Variants in DPP6 observed in about 807,000 individuals in gnomAD.
The protein encoded by DPP6 is A-type potassium channel modulatory protein DPP6.
DPP6 carries 69 observed loss-of-function variants against 122.6 expected under a neutral mutation model. The ratio of observed to expected loss-of-function variants is 0.56; its 90% CI spans 0.46 to 0.69. DPP6 has a LOEUF of 0.69. DPP6 is among the 30% of genes least tolerant of loss of function. The probability of loss-of-function intolerance (pLI) is 0.00; values close to 1 mark genes in which losing one functional copy is unlikely to be tolerated. For synonymous variants in DPP6, 418 were observed against 433.1 expected (o/e 0.97, Z 0.43); for missense variants, 928 against 1,116.9 (o/e 0.83, Z 2.41).
At chr7:154,720,081 G>A (rs1391729641) in intron 7 of DPP6, among the ~76,000 whole-genome samples, 2 of 152,236 alleles carry the variant, frequency 1.3e-5, no homozygotes, top group Admixed American at 1.3e-4. Flanking sequence ...CTGTGACGGA[G>A]AGAGATTGTT....
chr7:154,000,731 C>T (rs1797650731), intron 1 of DPP6, among the ~76,000 whole-genome samples: 1 of 151,986 alleles, frequency 6.6e-6, no homozygotes, highest in Admixed American at 6.5e-5. Flanking sequence ...TTATGGGTGC[C>T]AGCTGCTCTT....
chr7:153,754,916 C>A, the DPP6 span, among the ~76,000 whole-genome samples: 1 of 151,300 alleles, frequency 6.6e-6, no homozygotes, highest in African/African-American at 2.4e-5. Context: ...TTTTAATTCA[C>A]CGTGAGTATC....
chr7:154,735,787 T>C (rs992966264), intron 8 of DPP6, among the ~76,000 whole-genome samples: 1 of 152,258 alleles, frequency 6.6e-6, no homozygotes, highest in African/African-American at 2.4e-5. Flanking sequence ...TCTAGATTTC[T>C]GCAAGGATCA....
At chr7:154,249,887 C>A (rs984170064) in intron 1 of DPP6, among the ~76,000 whole-genome samples, 3 of 152,070 alleles carry the variant, frequency 2.0e-5, no homozygotes, top group Non-Finnish European at 2.9e-5. Context: ...CCAATTTCTG[C>A]CTCCAAAGAA....
In DPP6 at chr7:154,719,282, G is replaced by A. The variant is rs142065608; in HGVS notation, c.763-8485G>A. ...CTCCAGAGCAATGATGTTCTGCTGGGATCTGGGGGCTCCAAAGTGGGCTGT... is the reference window on the plus strand; with the variant it reads ...CTCCAGAGCAATGATGTTCTGCTGGAATCTGGGGGCTCCAAAGTGGGCTGT... On this transcript the variant is annotated intron_variant, in intron 7 of 25. Coordinates refer to ENST00000377770, the MANE Select transcript of DPP6 (RefSeq NM_130797.4). 3.9e-5 allele frequency among the ~76,000 whole-genome samples: 6 copies of A among 152,240 alleles called. No homozygotes were observed. The East Asian group carries it at 1.2e-3, about 30-fold the overall frequency.
At chr7:154,208,094 TAAAAG>T (rs1351017622) in intron 1 of DPP6, among the ~76,000 whole-genome samples, 1 of 152,184 alleles carries the variant, frequency 6.6e-6, no homozygotes, top group Non-Finnish European at 1.5e-5. Context: ...TGTTATTTAA[TAAAAG>T]AAAGAAAAAT....
At chr7:154,804,202 G>A (rs1004577573) in intron 14 of DPP6, among the ~76,000 whole-genome samples, 4 of 152,222 alleles carry the variant, frequency 2.6e-5, no homozygotes, top group East Asian at 1.9e-4. Context: ...AGGGAAGCAC[G>A]CTAGCGGCAG....
chr7:154,383,405 G>T (rs889035991), intron 1 of DPP6, among the ~76,000 whole-genome samples: 1 of 152,194 alleles, frequency 6.6e-6, no homozygotes, highest in Non-Finnish European at 1.5e-5. Flanking sequence ...ACTTGCATTT[G>T]AGTTCGCATC....
At chr7:154,306,348 G>A (rs1286957948) in intron 1 of DPP6, among the ~76,000 whole-genome samples, 5 of 152,334 alleles carry the variant, frequency 3.3e-5, no homozygotes, top group Admixed American at 2.6e-4. Flanking sequence ...AAGATCTTGA[G>A]GGTTCTTGTC....
intron 8 of DPP6, among the ~76,000 whole-genome samples, chr7:154,759,167 C>T (rs994950274): frequency 3.3e-5 from 5 of 152,202 alleles, no homozygotes; most frequent in Admixed American, 6.5e-5. Flanking sequence ...GCCACCACCC[C>T]GCAGGGATGC....
At chr7:154,416,342 A>G (rs1246910652) in intron 1 of DPP6, among the ~76,000 whole-genome samples, 1 of 152,118 alleles carries the variant, frequency 6.6e-6, no homozygotes, top group Non-Finnish European at 1.5e-5. Flanking sequence ...AGCTAACACA[A>G]CACGATGCCT....
At position 154,808,109 on chromosome 7, in the gene DPP6, A is replaced by G. The variant is rs557626927; in HGVS notation, c.1666+997A>G. Among the ~76,000 whole-genome samples the G allele has an allele frequency of 5.9e-5, 9 of 152,360 alleles. No individual in the cohort carries two copies. In the East Asian group the frequency reaches 1.5e-3, roughly 26 times the overall value. On this transcript the variant is annotated intron_variant, in intron 16 of 25. Coordinates refer to ENST00000377770, the MANE Select transcript of DPP6 (RefSeq NM_130797.4). ...TGCGATGACCTCAAAGAATGAAAAT[A>G]TGCCACAGGCAGAGACTAAGATCAG...
upstream of DPP6, among the ~76,000 whole-genome samples, chr7:153,885,118 A>T (rs1052982898): frequency 4.8e-5 from 5 of 103,250 alleles, no homozygotes; most frequent in Admixed American, 9.7e-5. Flanking sequence ...GCTTGGTGGG[A>T]AAGAGAGGGA....
intron 1 of DPP6, among the ~76,000 whole-genome samples, chr7:154,207,005 T>G (rs1223757565): frequency 1.3e-5 from 2 of 152,220 alleles, no homozygotes; most frequent in Non-Finnish European, 2.9e-5. Flanking sequence ...GGTACCGAAG[T>G]GCTGCTGTGC....
intron 1 of DPP6, among the ~76,000 whole-genome samples, chr7:154,299,707 C>T (rs993598699): frequency 3.3e-5 from 5 of 152,214 alleles, no homozygotes; most frequent in Non-Finnish European, 5.9e-5. Flanking sequence ...ACATTTTGAT[C>T]TCTACCTTCC....
At chr7:154,239,462 G>A (rs1295374015) in intron 1 of DPP6, among the ~76,000 whole-genome samples, 1 of 152,074 alleles carries the variant, frequency 6.6e-6, no homozygotes, top group Non-Finnish European at 1.5e-5. Context: ...GATCTTTATG[G>A]TGACCCACTT....
chr7:154,817,522 T>C (rs964025127), intron 16 of DPP6, among the ~76,000 whole-genome samples: 1 of 151,992 alleles, frequency 6.6e-6, no homozygotes, highest in Non-Finnish European at 1.5e-5. Flanking sequence ...GGGTCATGAG[T>C]GATGATATAA....
chr7:154,715,212 A>C (rs1276145360), intron 7 of DPP6, among the ~76,000 whole-genome samples: 1 of 152,072 alleles, frequency 6.6e-6, no homozygotes, highest in Non-Finnish European at 1.5e-5. Flanking sequence ...GATTACAGGC[A>C]CCTGCCACCA....
intron 1 of DPP6, among the ~76,000 whole-genome samples, chr7:154,339,295 G>T (rs903102958): frequency 6.6e-6 from 1 of 152,256 alleles, no homozygotes; most frequent in African/African-American, 2.4e-5. Flanking sequence ...GGACAGGGAC[G>T]TGGGGTGGTG....
Sources: gnomAD v4.1 joint callset for allele counts (sites outside exome capture counted in the v4.1 genomes callset) on GRCh38, gnomAD v4.1.1 for gene constraint, MANE v1.5 for transcripts, NCBI Gene and HGNC (gene_info 2026-07-23, HGNC 2026-07-21) for gene names.